Variants in TMEM233 observed in about 807,000 individuals in gnomAD.
The protein encoded by TMEM233 is transmembrane protein 233.
Under a neutral mutation model 11.2 loss-of-function variants are expected in TMEM233, and 6 were observed. That is an observed-to-expected ratio of 0.54 (90% CI 0.29 to 1.06). The LOEUF (loss-of-function observed/expected upper bound fraction) is 1.06. Ranked by LOEUF, TMEM233 falls within the 50% of genes least tolerant of loss-of-function variation. The probability of loss-of-function intolerance (pLI) is 0.08; values close to 1 mark genes in which losing one functional copy is unlikely to be tolerated. For missense variants in TMEM233, 127 were observed against 144.7 expected (o/e 0.88, Z 0.63); for synonymous variants, 59 against 55.8 (o/e 1.06, Z -0.26).
intron 1 of TMEM233, among the ~76,000 whole-genome samples, chr12:119,602,613 T>C (rs1293089878): frequency 6.6e-6 from 1 of 152,242 alleles, no homozygotes. Context: ...GCCTCATCAG[T>C]TACTTGCATA....
intron 2 of TMEM233, among the ~76,000 whole-genome samples, chr12:119,636,263 G>A (rs1344437078): frequency 6.6e-6 from 1 of 152,068 alleles, no homozygotes; most frequent in East Asian, 1.9e-4. Flanking sequence ...CTCTGTGTCA[G>A]AAACTGGAGT....
the TMEM233 span, among the ~76,000 whole-genome samples, chr12:119,650,243 T>C: frequency 0.029 from 4,403 of 152,126 alleles, 90 homozygotes; most frequent in Non-Finnish European, 0.043. Flanking sequence ...TTTGACATGA[T>C]CTCTCATTTG....
At chr12:119,605,858 C>G (rs1317144357) in intron 1 of TMEM233, among the ~76,000 whole-genome samples, 2 of 152,138 alleles carry the variant, frequency 1.3e-5, no homozygotes, top group East Asian at 3.9e-4. Flanking sequence ...TCCTCCCTAG[C>G]TTTTGGCTCT....
Position 119,595,048 on chromosome 12 carries a change from C to A in TMEM233, c.186+1014C>A, listed in dbSNP as rs189986937. Among the ~76,000 whole-genome samples, 513 of 152,344 alleles carry A rather than the reference C, an allele frequency of 3.4e-3. 1 individual carries two copies. The highest frequency in any genetic ancestry group is 0.011 in the African/African-American group (445 of 41,598). ...AGCTGCCCGCCTCTCTAGGAGTGGC[C>A]GCTGGGGCCTCTAGTCCGCCCTTCC... On this transcript the variant is annotated intron_variant, in intron 1 of 2. Transcript: ENST00000426426. This position sits in a 1 kb window ranked among gnomAD's most constrained non-coding sequence, Gnocchi z 4.3.
chr12:119,628,533 TCAGTCGCCCAGGCTGGAGTGCAGTGG>T (rs2136768700), intron 1 of TMEM233, among the ~76,000 whole-genome samples: 1 of 121,100 alleles, frequency 8.3e-6, no homozygotes, highest in East Asian at 2.5e-4. Context: ...GGAGTCTTGC[TCAGTCGCCCAGGCTGGAGTGCAGTGG>T]CACGATCTTG....
chr12:119,613,130 A>C (rs1436980730), intron 1 of TMEM233, among the ~76,000 whole-genome samples: 1 of 151,596 alleles, frequency 6.6e-6, no homozygotes, highest in Non-Finnish European at 1.5e-5. Flanking sequence ...TTGTTTGGTC[A>C]ACCAAGCATT....
chr12:119,632,784 A>G (rs577562559), intron 2 of TMEM233, among the ~76,000 whole-genome samples: 1 of 152,342 alleles, frequency 6.6e-6, no homozygotes, highest in East Asian at 1.9e-4. Context: ...CAACCAATTC[A>G]CATTACTAAA....
At chr12:119,620,801 T>C (rs1954625681) in intron 1 of TMEM233, among the ~76,000 whole-genome samples, 4 of 152,180 alleles carry the variant, frequency 2.6e-5, no homozygotes, top group Admixed American at 1.3e-4. Context: ...CACACTAGCT[T>C]GGGAAGTTGC....
At chr12:119,617,691 G>A (rs559352335) in intron 1 of TMEM233, among the ~76,000 whole-genome samples, 1 of 152,026 alleles carries the variant, frequency 6.6e-6, no homozygotes, top group African/African-American at 2.4e-5. Context: ...AAATTAGCCA[G>A]GCATGGTGGT....
chr12:119,643,760 T>G (rs1203338784), downstream of TMEM233, among the ~76,000 whole-genome samples: 1 of 148,902 alleles, frequency 6.7e-6, no homozygotes, highest in Non-Finnish European at 1.5e-5. Flanking sequence ...AGAGTGAGAT[T>G]CCGTATCAAA....
chr12:119,631,439 G>A, intron 2 of TMEM233: 2 of 910,690 alleles, frequency 2.2e-6, no homozygotes, highest in Non-Finnish European at 2.6e-6. Context: ...TAGAGGGGAA[G>A]ATGTCAAAAC....
intron 1 of TMEM233, among the ~76,000 whole-genome samples, chr12:119,620,612 A>G (rs1257519084): frequency 6.6e-6 from 1 of 152,238 alleles, no homozygotes; most frequent in African/African-American, 2.4e-5. Flanking sequence ...AGAACTCACA[A>G]TGTTTCTATA....
chr12:119,613,966 C>T (rs983535721), intron 1 of TMEM233, among the ~76,000 whole-genome samples: 2 of 151,458 alleles, frequency 1.3e-5, no homozygotes, highest in East Asian at 1.9e-4. Context: ...GGGCAGGAAA[C>T]GGGGAGACAG....
intron 1 of TMEM233, among the ~76,000 whole-genome samples, chr12:119,607,446 C>A (rs951894978): frequency 1.3e-5 from 2 of 152,094 alleles, no homozygotes; most frequent in Non-Finnish European, 2.9e-5. Flanking sequence ...CTTGACAAAT[C>A]TTGCCTATTA....
intron 1 of TMEM233, among the ~76,000 whole-genome samples, chr12:119,618,067 C>T (rs902096405): frequency 1.4e-4 from 21 of 152,304 alleles, no homozygotes; most frequent in African/African-American, 4.8e-4. Flanking sequence ...TGCCCTGCAT[C>T]CCAGCTGTTT....
the TMEM233 span, among the ~76,000 whole-genome samples, chr12:119,654,023 C>A: frequency 6.7e-6 from 1 of 148,330 alleles, no homozygotes; most frequent in Admixed American, 6.7e-5. Flanking sequence ...GGAAAACACA[C>A]CTAGGCAAAT....
intron 1 of TMEM233, among the ~76,000 whole-genome samples, chr12:119,596,597 T>G (rs1431528894): frequency 6.8e-6 from 1 of 146,772 alleles, no homozygotes; most frequent in African/African-American, 2.5e-5. Flanking sequence ...GTTCAAGCGA[T>G]CCTTCCACCC....
At chr12:119,611,340 T>C (rs1297222258) in intron 1 of TMEM233, among the ~76,000 whole-genome samples, 1 of 152,060 alleles carries the variant, frequency 6.6e-6, no homozygotes, top group African/African-American at 2.4e-5. Flanking sequence ...ATAACACATG[T>C]TATTATCTTT....
chr12:119,650,388 G>T, the TMEM233 span, among the ~76,000 whole-genome samples: 26 of 152,310 alleles, frequency 1.7e-4, no homozygotes, highest in East Asian at 4.8e-3. Context: ...TAAAATCCAT[G>T]ATCTTAATCA....
Sources: allele counts gnomAD v4.1 joint callset (sites outside exome capture counted in the v4.1 genomes callset), GRCh38; gene constraint gnomAD v4.1.1; non-coding constraint Gnocchi (gnomAD v3.1); transcripts MANE v1.5; gene names NCBI Gene and HGNC (gene_info 2026-07-23, HGNC 2026-07-21).